The following OSBPL3 variants were observed in gnomAD, a reference collection of about 807,000 sequenced individuals.
The protein encoded by OSBPL3 is oxysterol-binding protein-related protein 3.
In OSBPL3, 65 loss-of-function variants were observed where a neutral mutation model predicts 120.1. The observed-to-expected ratio is 0.54, with a 90% CI of 0.44 to 0.67. The LOEUF (loss-of-function observed/expected upper bound fraction) is 0.67. OSBPL3 is among the 30% of genes least tolerant of loss of function. The probability of loss-of-function intolerance (pLI) is 0.00; values close to 1 mark genes in which losing one functional copy is unlikely to be tolerated. For synonymous variants in OSBPL3, 416 were observed against 402.6 expected, an observed-to-expected ratio of 1.03 and a Z score of -0.40; for missense variants, 1,004 against 1,082.1, an observed-to-expected ratio of 0.93 and a Z score of 1.01.
In OSBPL3 at chr7:24,836,247, C is replaced by G. The variant is rs558102414; in HGVS notation, c.1496-1511G>C. The stretch of plus-strand genomic sequence containing the variant: ...CCCCAACTTCCCCATTTATCGGCAG[C>G]AGATGTGAACATCCATCTCCTGAGG... On this transcript the variant is annotated intron_variant, in intron 14 of 22. Coordinates refer to ENST00000313367, the MANE Select transcript of OSBPL3 (RefSeq NM_015550.4). Among the ~76,000 whole-genome samples, 348 of 152,330 alleles carry G rather than the reference C, an allele frequency of 2.3e-3. 1 individual carries two copies. Among genetic ancestry groups the G allele is most frequent in the Non-Finnish European group, 3.9e-3 (264 of 68,040 alleles).
intron 22 of OSBPL3, among the ~76,000 whole-genome samples, chr7:24,801,226 A>G (rs1792299857): frequency 7.2e-6 from 1 of 139,220 alleles, no homozygotes. Flanking sequence ...CCTGGAAGAC[A>G]GAGCAAGACT....
chr7:24,897,102 A>AAGGCAGGC (rs202118110), intron 1 of OSBPL3, among the ~76,000 whole-genome samples: 1 of 151,566 alleles, frequency 6.6e-6, no homozygotes, highest in African/African-American at 2.4e-5. Flanking sequence ...GGGAGGAAGG[A>AAGGCAGGC]AGGCAGGCAG....
At chr7:24,882,849 G>T (rs992221780) in intron 2 of OSBPL3, among the ~76,000 whole-genome samples, 4 of 149,736 alleles carry the variant, frequency 2.7e-5, no homozygotes, top group Non-Finnish European at 5.9e-5. Context: ...TCATATACTT[G>T]TTGGCCACTT....
rs1427260588 is a variant in OSBPL3 at position 24,939,554 on chromosome 7, A to G, written c.-150+40332T>C. ...TTTAAAAAATTAAACACGCAGGAAG[A>G]AAAGACTAAAGAAACTGGGTCCTTG... On this transcript the variant is annotated intron_variant, in intron 1 of 22. Transcript: ENST00000313367. The surrounding 1 kb of genome is among the most constrained non-coding windows in gnomAD (Gnocchi z 4.2). Among the ~76,000 whole-genome samples, 1 of 152,250 alleles carries G rather than the reference A, an allele frequency of 6.6e-6. No homozygotes were observed.
At chr7:24,878,692 C>T (rs1347751586) in intron 2 of OSBPL3, among the ~76,000 whole-genome samples, 1 of 152,104 alleles carries the variant, frequency 6.6e-6, no homozygotes, top group Non-Finnish European at 1.5e-5. Flanking sequence ...TGTTTAGCAC[C>T]AGCAGGCCTG....
chr7:24,920,169 T>C (rs1007562018), intron 1 of OSBPL3, among the ~76,000 whole-genome samples: 1 of 152,184 alleles, frequency 6.6e-6, no homozygotes, highest in Admixed American at 6.5e-5. Context: ...TGAAAATGTA[T>C]GTCTACATGA....
At position 24,798,906 on chromosome 7, in the gene OSBPL3, T is replaced by G. The variant is rs575872479; in HGVS notation, c.*1277A>C. On this transcript the variant is annotated 3_prime_UTR_variant, in exon 23 of 23. Transcript: ENST00000313367. This position sits in a 1 kb window ranked among gnomAD's most constrained non-coding sequence, Gnocchi z 4.6. ...GTTGGACATGCTTTGATAACACAAT[T>G]CAACTACTACACATATTATTGTAAT... is the stretch of plus-strand genomic sequence containing the variant. 2.0e-5 allele frequency: 3 copies of G among 152,762 alleles called. No individual in the cohort carries two copies. The East Asian group carries it at 5.8e-4, about 29-fold the overall frequency. The allele number at this position is 152,762 out of a possible 1,614,324, so 9.5% of individuals were successfully genotyped here.
At chr7:24,892,727 C>T (rs10486438) in intron 1 of OSBPL3, 106 bp from the exon 2 acceptor site, 69,217 of 699,602 alleles carry the variant, frequency 0.099, 4,381 homozygotes, top group East Asian at 0.3. Flanking sequence ...TACAGACTCA[C>T]GATGTTTAGC....
intron 1 of OSBPL3, among the ~76,000 whole-genome samples, chr7:24,928,394 T>C (rs930459791): frequency 2.6e-4 from 39 of 152,202 alleles, no homozygotes; most frequent in Middle Eastern, 3.4e-3. Flanking sequence ...GGTTTCACCG[T>C]GTTAGCCAGG....
intron 10 of OSBPL3, among the ~76,000 whole-genome samples, chr7:24,853,673 C>T (rs1040798101): frequency 6.6e-6 from 1 of 152,102 alleles, no homozygotes; most frequent in Non-Finnish European, 1.5e-5. Flanking sequence ...CAGAGTATTC[C>T]TATTTTATAT....
At chr7:24,915,214 A>T (rs1809373416) in intron 1 of OSBPL3, among the ~76,000 whole-genome samples, 1 of 152,208 alleles carries the variant, frequency 6.6e-6, no homozygotes, top group African/African-American at 2.4e-5. Context: ...AATCTGTCAA[A>T]GAAAGAAGAA....
chr7:24,845,460 T>A (rs1254184870), intron 12 of OSBPL3, among the ~76,000 whole-genome samples: 2 of 138,096 alleles, frequency 1.4e-5, no homozygotes, highest in Non-Finnish European at 3.0e-5. Context: ...TGTGTGTGTG[T>A]ATGTGTGTGT....
chr7:24,971,687 C>T (rs1158005327), intron 1 of OSBPL3, among the ~76,000 whole-genome samples: 2 of 152,210 alleles, frequency 1.3e-5, no homozygotes, highest in Non-Finnish European at 2.9e-5. Context: ...AGTGACTGCT[C>T]GCTAGCCTCT....
chr7:24,891,093 T>G lies in OSBPL3; in HGVS notation c.96+1284A>C, dbSNP rs1452310937. Among the ~76,000 whole-genome samples the G allele has an allele frequency of 6.6e-6, 1 of 152,146 alleles. No homozygotes were observed. The highest frequency in any genetic ancestry group is 1.9e-4 in the East Asian group (1 of 5,196). On this transcript the variant is annotated intron_variant, in intron 2 of 22. Transcript: ENST00000313367. This position sits in a 1 kb window ranked among gnomAD's most constrained non-coding sequence, Gnocchi z 4.1. Reference sequence around the variant, plus strand: ...TTTAATCCCAACCAGAGTTTTGGCTTAGGGAGAAAAATACTCCTGTGGAAA... The same window carrying G: ...TTTAATCCCAACCAGAGTTTTGGCTGAGGGAGAAAAATACTCCTGTGGAAA...
At chr7:24,928,539 A>G (rs1464595877) in intron 1 of OSBPL3, among the ~76,000 whole-genome samples, 2 of 152,170 alleles carry the variant, frequency 1.3e-5, no homozygotes, top group Non-Finnish European at 2.9e-5. Flanking sequence ...TCTGTATAGC[A>G]GTAAGAGAAT....
intron 15 of OSBPL3, among the ~76,000 whole-genome samples, chr7:24,832,208 A>T (rs1414492995): frequency 9.4e-6 from 1 of 106,484 alleles, no homozygotes; most frequent in African/African-American, 3.1e-5. Context: ...CCCTGTCTCA[A>T]AAAAAAAAAA....
intron 6 of OSBPL3, 57 bp from the exon 7 acceptor site, chr7:24,865,522 T>G (rs1247436787): frequency 2.5e-6 from 4 of 1,575,510 alleles, no homozygotes; most frequent in Non-Finnish European, 3.5e-6. Context: ...ATTGGGGACA[T>G]GTTAAGACAA....
chr7:24,875,743 T>C (rs1802753893), intron 2 of OSBPL3, among the ~76,000 whole-genome samples: 1 of 150,546 alleles, frequency 6.6e-6, no homozygotes, highest in Non-Finnish European at 1.5e-5. Context: ...ATTTTTAATA[T>C]ATAATCATAT....
Position 24,816,282 on chromosome 7 carries a change from C to T in OSBPL3, c.2027+328G>A, listed in dbSNP as rs529889640. Among the ~76,000 whole-genome samples the T allele has an allele frequency of 1.1e-3, 175 of 152,254 alleles. 2 individuals are homozygous for T. Among genetic ancestry groups the T allele is most frequent in the Admixed American group, 4.4e-3 (67 of 15,288 alleles). On this transcript the variant is annotated intron_variant, in intron 18 of 22. Coordinates refer to ENST00000313367, the MANE Select transcript of OSBPL3 (RefSeq NM_015550.4). Reference sequence around the variant, plus strand: ...GACTTAAGCAATCTGCCCGCCTTGGCCTCCCAAAGTGCTGGGATTACAGAT... The same window carrying T: ...GACTTAAGCAATCTGCCCGCCTTGGTCTCCCAAAGTGCTGGGATTACAGAT...
Sources: gnomAD v4.1 joint callset for allele counts (sites outside exome capture counted in the v4.1 genomes callset) on GRCh38, gnomAD v4.1.1 for gene constraint, Gnocchi (gnomAD v3.1) non-coding constraint, MANE v1.5 for transcripts, NCBI Gene and HGNC (gene_info 2026-07-23, HGNC 2026-07-21) for gene names.